Variants in NECTIN1 observed in about 807,000 individuals in gnomAD.
The protein encoded by NECTIN1 is nectin-1.
Under a neutral mutation model 48.0 loss-of-function variants are expected in NECTIN1, and 23 were observed. That is an observed-to-expected ratio of 0.48 (90% CI 0.34 to 0.68). The LOEUF is 0.68. NECTIN1 is among the 30% of genes least tolerant of loss of function. NECTIN1 has a pLI of 0.01. For synonymous variants in NECTIN1, 270 were observed against 288.9 expected, an observed-to-expected ratio of 0.93 and a Z score of 0.66; for missense variants, 591 against 709.9, an observed-to-expected ratio of 0.83 and a Z score of 1.90.
At position 119,678,816 on chromosome 11, in the gene NECTIN1, C is replaced by T. The variant is rs79996936; in HGVS notation, c.80-51G>A. 8.6e-6 allele frequency: 11 copies of T among 1,279,418 alleles called. No homozygotes were observed. The African/African-American group carries it at 1.2e-4, about 14-fold the overall frequency. 79.3% of individuals were successfully genotyped at this position (1,279,418 alleles called of 1,614,324 possible). A position where few individuals can be genotyped will look rare whatever the true frequency, so the allele number is the denominator to read the frequency against. ...GTCAGTGTCAGGCACAGCCTCCCCC[C>T]ACCCACACAGTTCCCTGTGCTCTGG... On this transcript the variant is annotated intron_variant, in intron 1 of 5. Transcript: ENST00000264025. This position sits in a 1 kb window ranked among gnomAD's most constrained non-coding sequence, Gnocchi z 4.4.
At position 119,684,673 on chromosome 11, in the gene NECTIN1, C is replaced by T. The variant is rs1217968117; in HGVS notation, c.80-5908G>A. On this transcript the variant is annotated intron_variant, in intron 1 of 5. Transcript: ENST00000264025. This position sits in a 1 kb window ranked among gnomAD's most constrained non-coding sequence, Gnocchi z 5.2. ...CCCCTCCTCCCAGTGCAGCCGCTTC[C>T]CTGATTGTCAACTCCCAGGGCTGGC... Among the ~76,000 whole-genome samples, 1 of 152,150 alleles carries T rather than the reference C, an allele frequency of 6.6e-6. No homozygotes were observed. Among genetic ancestry groups the T allele is most frequent in the African/African-American group, 2.4e-5 (1 of 41,426 alleles).
intron 1 of NECTIN1, among the ~76,000 whole-genome samples, chr11:119,685,956 G>C (rs1865147820): frequency 6.6e-6 from 1 of 152,190 alleles, no homozygotes; most frequent in Admixed American, 6.5e-5. Context: ...CTCTGACCCA[G>C]CTGTGCCTTT....
intron 1 of NECTIN1, among the ~76,000 whole-genome samples, chr11:119,705,783 C>T (rs1865538549): frequency 6.6e-6 from 1 of 152,214 alleles, no homozygotes. Context: ...TCATCTGGGG[C>T]ATCTTGGCGG....
At chr11:119,638,715 G>A in intron 7 of NECTIN1, 1 of 1,610,240 alleles carries the variant, frequency 6.2e-7, no homozygotes. Flanking sequence ...CTTGTCCTCT[G>A]CTGCCTCAGG....
At position 119,647,160 on chromosome 11, in the gene NECTIN1, CATGTGTGTGTGTGT is replaced by C. The variant is rs1438669733; in HGVS notation, c.1004-7162_1004-7149del. ...AGATGAGGGGCCAGAGCTTGCGGCG[CATGTGTGTGTGTGT>C]GTGTGTGTGTGTGTGTGTGTGTGTG... On this transcript the variant is annotated intron_variant, in intron 5 of 7. Coordinates refer to the NECTIN1 transcript ENST00000341398. Among the ~76,000 whole-genome samples the C allele has an allele frequency of 4.1e-3, 292 of 71,356 alleles. 4 individuals carry two copies. Among genetic ancestry groups the C allele is most frequent in the East Asian group, 0.039 (104 of 2,658 alleles). The allele number at this position is 71,356 out of a possible 152,430, so 46.8% of individuals were successfully genotyped here.
Position 119,728,881 on chromosome 11 carries a change from CCGGCGCGCCCGGCTGCCCGGTTGCG to C in NECTIN1, c.-353_-329del, listed in dbSNP as rs1865966559. 4.1e-6 allele frequency: 1 copy of C among 242,218 alleles called. No individual in the cohort carries two copies. The highest frequency in any genetic ancestry group is 7.6e-5 in the East Asian group (1 of 13,108). 15.0% of individuals were successfully genotyped at this position (242,218 alleles called of 1,614,324 possible). On this transcript the variant is annotated 5_prime_UTR_variant, in exon 1 of 6. Transcript: ENST00000264025. ...CGGGGCTGGGGAGAGGGACCCACCC[CCGGCGCGCCCGGCTGCCCGGTTGCG>C]CGGCGCGGGCTCCTGGCCCCGGCCC...
chr11:119,693,399 T>C (rs1865293388), intron 1 of NECTIN1, among the ~76,000 whole-genome samples: 2 of 152,226 alleles, frequency 1.3e-5, no homozygotes, highest in South Asian at 4.1e-4. Context: ...ATGTCATCCA[T>C]TTACATGTAA....
At chr11:119,669,187 G>A (rs1247869937) in intron 5 of NECTIN1, among the ~76,000 whole-genome samples, 3 of 152,144 alleles carry the variant, frequency 2.0e-5, no homozygotes, top group African/African-American at 4.8e-5. Flanking sequence ...CGAGGCGGAC[G>A]GATCACCTAA....
intron 1 of NECTIN1, among the ~76,000 whole-genome samples, chr11:119,688,453 C>T (rs1865197458): frequency 6.6e-6 from 1 of 151,718 alleles, no homozygotes; most frequent in African/African-American, 2.4e-5. Flanking sequence ...GGGGGACTGT[C>T]CTGTTGTGGG....
chr11:119,699,711 C>T (rs1435011202), intron 1 of NECTIN1, among the ~76,000 whole-genome samples: 1 of 152,194 alleles, frequency 6.6e-6, no homozygotes, highest in Non-Finnish European at 1.5e-5. Context: ...CTCATGAAGT[C>T]CTCAGCCTTC....
At chr11:119,718,671 T>A (rs1030021478) in intron 1 of NECTIN1, among the ~76,000 whole-genome samples, 1 of 152,022 alleles carries the variant, frequency 6.6e-6, no homozygotes, top group African/African-American at 2.4e-5. Context: ...GGTCTCACCG[T>A]GAGACATGGT....
At chr11:119,696,759 C>T (rs1267639490) in intron 1 of NECTIN1, among the ~76,000 whole-genome samples, 1 of 152,170 alleles carries the variant, frequency 6.6e-6, no homozygotes, top group Non-Finnish European at 1.5e-5. Context: ...TGGCCCAAGG[C>T]CTCCACCTCT....
At chr11:119,708,942 T>TCTG (rs1254512148) in intron 1 of NECTIN1, among the ~76,000 whole-genome samples, 1 of 151,928 alleles carries the variant, frequency 6.6e-6, no homozygotes, top group Admixed American at 6.5e-5. Flanking sequence ...GCACCGGTCT[T>TCTG]CTGAAGTCCA....
At position 119,665,106 on chromosome 11, in the gene NECTIN1, C is replaced by G; in HGVS notation, c.1195G>C (p.Gly399Arg). 3 of 1,614,026 alleles carry G rather than the reference C, an allele frequency of 1.9e-6. No individual in the cohort carries two copies. The highest frequency in any genetic ancestry group is 2.5e-6 in the Non-Finnish European group (3 of 1,180,002). Residue 399 changes from glycine to arginine, a missense_variant, in exon 6 of 6, where the codon GGC (glycine) becomes CGC (arginine). Physicochemically the swap from Gly to Arg is moderately radical, Grantham distance 125. Transcript: ENST00000264025. This position sits in a 1 kb window ranked among gnomAD's most constrained non-coding sequence, Gnocchi z 5.1. Reference protein sequence around the residue: ...YSTKKHVYGNGYSKAGIPQHH... With the variant: ...YSTKKHVYGNRYSKAGIPQHH... ...TGGGGGATGCCTGCCTTGCTGTAGCCGTTGCCATACACGTGCTTCTTGGTG... is the reference window on the plus strand; with the variant it reads ...TGGGGGATGCCTGCCTTGCTGTAGCGGTTGCCATACACGTGCTTCTTGGTG...
At position 119,728,491 on chromosome 11, in the gene NECTIN1, G is replaced by A. The variant is rs1301703378; in HGVS notation, c.63C>T (p.Thr21=). ...CGCTCTTACCTGGGAGGAAGAATGC[G>A]GTCAAGCCGAGAGCGAGTCCCCACC... ...GRWWGLALGL[T]AFFLPGVHSQ... is the part of the protein sequence containing the mutation. Residue 21 remains threonine (T), a synonymous_variant, in exon 1 of 6, where the codon ACC becomes ACT. Transcript: ENST00000264025. 3.1e-6 allele frequency: 5 copies of A among 1,602,576 alleles called. No homozygotes were observed. The highest frequency in any genetic ancestry group is 1.7e-4 in the Middle Eastern group (1 of 6,032).
chr11:119,645,072 G>A (rs1400082215), intron 5 of NECTIN1, among the ~76,000 whole-genome samples: 1 of 148,580 alleles, frequency 6.7e-6, no homozygotes, highest in Non-Finnish European at 1.5e-5. Context: ...TCCTGGGTTG[G>A]TCTGCCCTCT....
intron 5 of NECTIN1, among the ~76,000 whole-genome samples, chr11:119,649,369 G>T (rs571351111): frequency 1.4e-5 from 2 of 147,506 alleles, no homozygotes; most frequent in South Asian, 4.3e-4. Context: ...AACAGAGTGA[G>T]ACTCCATCTC....
intron 1 of NECTIN1, among the ~76,000 whole-genome samples, chr11:119,720,494 C>T (rs558515475): frequency 5.3e-5 from 8 of 152,272 alleles, no homozygotes; most frequent in African/African-American, 9.6e-5. Context: ...CCTGCGAAAG[C>T]GTGGGCTGAC....
At chr11:119,724,153 C>T (rs968740137) in intron 1 of NECTIN1, among the ~76,000 whole-genome samples, 1 of 152,138 alleles carries the variant, frequency 6.6e-6, no homozygotes, top group Non-Finnish European at 1.5e-5. Context: ...GAGTATGCTA[C>T]CTCCCCTCCC....
Sources: gnomAD v4.1 joint callset for allele counts (sites outside exome capture counted in the v4.1 genomes callset) on GRCh38, gnomAD v4.1.1 for gene constraint, Gnocchi (gnomAD v3.1) non-coding constraint, MANE v1.5 for transcripts, NCBI Gene and HGNC (gene_info 2026-07-23, HGNC 2026-07-21) for gene names.